CALCRL: variants seen among roughly 807,000 people sequenced by gnomAD.
The protein encoded by CALCRL is calcitonin gene-related peptide type 1 receptor.
In CALCRL, 27 loss-of-function variants were observed where a neutral mutation model predicts 60.4. The observed-to-expected ratio is 0.45, with a 90% CI of 0.33 to 0.62. The LOEUF (loss-of-function observed/expected upper bound fraction) is 0.62. CALCRL is among the 20% of genes least tolerant of loss of function. The pLI, the probability that CALCRL is intolerant of heterozygous loss-of-function variation, is 0.03. For synonymous variants in CALCRL, 190 were observed against 182.6 expected (o/e 1.04, Z -0.33); for missense variants, 424 against 540.7 (o/e 0.78, Z 2.14).
intron 1 of CALCRL, among the ~76,000 whole-genome samples, chr2:187,438,767 T>G (rs1690763592): frequency 6.6e-6 from 1 of 152,206 alleles, no homozygotes; most frequent in South Asian, 2.1e-4. Flanking sequence ...AGGTCATTCC[T>G]TGGAATTTAG....
At chr2:187,437,694 A>T (rs1451806319) in intron 1 of CALCRL, among the ~76,000 whole-genome samples, 4 of 152,194 alleles carry the variant, frequency 2.6e-5, no homozygotes, top group Non-Finnish European at 5.9e-5. Context: ...TTTATCAAAA[A>T]TATGTTGTTT....
At chr2:187,427,818 A>G (rs1367520889) in intron 1 of CALCRL, among the ~76,000 whole-genome samples, 1 of 152,200 alleles carries the variant, frequency 6.6e-6, no homozygotes, top group Non-Finnish European at 1.5e-5. Flanking sequence ...GGGTAAAGAC[A>G]CAATGAAGTC....
At chr2:187,350,336 A>AGTGTATATAACATTAAATTTATAGAG in intron 14 of CALCRL, among the ~76,000 whole-genome samples, 1 of 151,602 alleles carries the variant, frequency 6.6e-6, no homozygotes, top group Admixed American at 6.6e-5. Context: ...TGTCTAATTC[A>AGTGTATATAACATTAAATTTATAGAG]GTGTATATAA....
intron 1 of CALCRL, among the ~76,000 whole-genome samples, chr2:187,410,483 G>GCA (rs906589890): frequency 1.4e-4 from 21 of 152,234 alleles, no homozygotes; most frequent in Admixed American, 1.0e-3. Context: ...TGAGGGAGCT[G>GCA]TATTCTGTAA....
At chr2:187,354,720 C>A (rs6710688) in intron 12 of CALCRL, among the ~76,000 whole-genome samples, 34,254 of 151,878 alleles carry the variant, frequency 0.23, 4,786 homozygotes, top group Non-Finnish European at 0.31. Flanking sequence ...ATTTTCGCTT[C>A]TTTTCTTACT....
In CALCRL at chr2:187,384,347, A is replaced by T. The variant is rs1254295940; in HGVS notation, c.52-1042T>A. Among the ~76,000 whole-genome samples the T allele has an allele frequency of 2.0e-5, 3 of 152,190 alleles. No homozygotes were observed. In the East Asian group the frequency reaches 5.8e-4, roughly 29 times the overall value. On this transcript the variant is annotated intron_variant, in intron 4 of 14. Coordinates refer to ENST00000392370, the MANE Select transcript of CALCRL (RefSeq NM_005795.6). ...AAAGCACGTAACTCCTGTTCTTCCC[A>T]AAAAGTCCATAAAATTGCAAAAATC... is the stretch of plus-strand genomic sequence containing the variant.
intron 14 of CALCRL, among the ~76,000 whole-genome samples, chr2:187,346,942 TG>T (rs1210110468): frequency 7.9e-5 from 12 of 151,796 alleles, no homozygotes; most frequent in African/African-American, 2.9e-4. Context: ...GCATGATATT[TG>T]TCTTCATGGA....
chr2:187,352,124 A>C lies in CALCRL; in HGVS notation c.1118T>G (p.Met373Arg), dbSNP rs1686561198. The C allele has an allele frequency of 6.2e-7, 1 of 1,611,768 alleles. No homozygotes were observed. The highest frequency in any genetic ancestry group is 1.7e-5 in the Admixed American group (1 of 59,812). The change falls in exon 13 of 15, where the codon ATG (methionine) becomes AGG (arginine). Residue 373 changes from methionine (M) to arginine (R), a missense_variant. Met to Arg is a moderately conservative substitution (Grantham distance 91, BLOSUM62 -1). Transcript: ENST00000392370. Reference protein sequence around the residue: ...EVYDYIMHILMHFQGLLVSTI... With the variant: ...EVYDYIMHILRHFQGLLVSTI... ...TCAAGAATGCCATACCTGGAAGTGC[A>C]TAAGGATGTGCATGATGTAGTCATA...
In CALCRL at chr2:187,376,802, G is replaced by A. The variant is rs1455607117; in HGVS notation, c.500+2138C>T. On this transcript the variant is annotated intron_variant, in intron 8 of 14. Transcript: ENST00000392370. ...CAGGCAAATGTAATTATTATACTTTGCAACTTTATCTTCTTCAAAAATTTA... is the reference window on the plus strand; with the variant it reads ...CAGGCAAATGTAATTATTATACTTTACAACTTTATCTTCTTCAAAAATTTA... 3.3e-5 allele frequency among the ~76,000 whole-genome samples: 5 copies of A among 151,998 alleles called. 1 individual carries two copies. The East Asian group carries it at 9.6e-4, about 29-fold the overall frequency.
intron 8 of CALCRL, among the ~76,000 whole-genome samples, chr2:187,371,404 G>A (rs1687513251): frequency 6.6e-6 from 1 of 151,996 alleles, no homozygotes; most frequent in Non-Finnish European, 1.5e-5. Context: ...GGCAGTGACA[G>A]GTATGCTGTT....
chr2:187,437,685 T>G (rs1690710132), intron 1 of CALCRL, among the ~76,000 whole-genome samples: 4 of 152,150 alleles, frequency 2.6e-5, no homozygotes, highest in Admixed American at 2.6e-4. Context: ...AATAATAACT[T>G]TATCAAAAAT....
intron 1 of CALCRL, among the ~76,000 whole-genome samples, chr2:187,404,921 GCGA>G (rs1452351401): frequency 6.6e-6 from 1 of 151,930 alleles, no homozygotes; most frequent in Non-Finnish European, 1.5e-5. Flanking sequence ...GCAGTAGGAA[GCGA>G]GACACAGGGC....
chr2:187,371,439 T>C (rs1383535627), intron 8 of CALCRL, among the ~76,000 whole-genome samples: 1 of 152,038 alleles, frequency 6.6e-6, no homozygotes, highest in Admixed American at 6.6e-5. Flanking sequence ...TGACTACTTT[T>C]GAACTCAGTC....
At position 187,383,259 on chromosome 2, in the gene CALCRL, T is replaced by C; in HGVS notation, c.98A>G (p.Gln33Arg). 6.2e-7 allele frequency: 1 copy of C among 1,612,004 alleles called. No homozygotes were observed. Among genetic ancestry groups the C allele is most frequent in the Non-Finnish European group, 8.5e-7 (1 of 1,178,986 alleles). ...GATTTTATTTCTAGTAACTCCCAAC[T>C]GAATTGAGTCCTCAGGACTCTCTTC... ...ELEESPEDSIQLGVTRNKIMT... is the reference protein window; with the variant it reads ...ELEESPEDSIRLGVTRNKIMT... The change falls in exon 5 of 15, where the codon CAG becomes CGG. Residue 33 changes from glutamine to arginine, a missense_variant. Around this residue, in one of 7 missense-constraint regions of CALCRL, gnomAD observed 108 missense variants for 132.9 expected, o/e 0.81. Transcript: ENST00000392370.
intron 8 of CALCRL, among the ~76,000 whole-genome samples, chr2:187,369,300 C>G (rs1687424859): frequency 6.6e-6 from 1 of 152,102 alleles, no homozygotes; most frequent in Admixed American, 6.6e-5. Flanking sequence ...TTCTGAATAC[C>G]TGTGATTCTT....
At chr2:187,416,808 A>G (rs1689630364) in intron 1 of CALCRL, among the ~76,000 whole-genome samples, 2 of 152,136 alleles carry the variant, frequency 1.3e-5, no homozygotes, top group African/African-American at 2.4e-5. Flanking sequence ...AAATGTGGCA[A>G]GTTGCAAAGG....
chr2:187,378,219 G>A (rs967186013), intron 8 of CALCRL, among the ~76,000 whole-genome samples: 3 of 152,044 alleles, frequency 2.0e-5, no homozygotes, highest in East Asian at 3.9e-4. Context: ...ACTACAATGC[G>A]ATGAAGATAC....
chr2:187,396,677 T>G (rs141073010), intron 1 of CALCRL, among the ~76,000 whole-genome samples: 127 of 151,908 alleles, frequency 8.4e-4, no homozygotes, highest in African/African-American at 3.0e-3. Context: ...AATTGCCAAT[T>G]TTTAAAAGTC....
intron 1 of CALCRL, among the ~76,000 whole-genome samples, chr2:187,430,157 T>G (rs1690339619): frequency 6.6e-6 from 1 of 152,112 alleles, no homozygotes; most frequent in Admixed American, 6.5e-5. Context: ...TAAGGAACAG[T>G]GAGTCATGTG....
Sources: allele counts gnomAD v4.1 joint callset (sites outside exome capture counted in the v4.1 genomes callset), GRCh38; gene constraint gnomAD v4.1.1; regional missense constraint gnomAD v4.1.1; transcripts MANE v1.5; gene names NCBI Gene and HGNC (gene_info 2026-07-23, HGNC 2026-07-21).